The following IMMT variants were observed in gnomAD, a reference collection of about 807,000 sequenced individuals.
IMMT encodes MICOS complex subunit MIC60.
In IMMT, 40 loss-of-function variants were observed where a neutral mutation model predicts 92.7. The observed-to-expected ratio is 0.43, with a 90% CI of 0.34 to 0.56. The LOEUF (loss-of-function observed/expected upper bound fraction) is 0.56, where lower values mean the gene tolerates loss of function less well. Among genes scored for constraint, IMMT ranks in the 20% least tolerant of loss-of-function variants. The pLI, the probability that IMMT is intolerant of heterozygous loss-of-function variation, is 0.03. For missense variants in IMMT, 831 were observed against 912.1 expected (o/e 0.91, Z 1.14); for synonymous variants, 322 against 336.1 (o/e 0.96, Z 0.46).
intron 3 of IMMT, among the ~76,000 whole-genome samples, chr2:86,178,681 G>C (rs6749090): frequency 1.3e-5 from 2 of 151,862 alleles, no homozygotes; most frequent in Non-Finnish European, 2.9e-5. Flanking sequence ...ACTGCATACA[G>C]ACAAAACACA....
intron 1 of IMMT, among the ~76,000 whole-genome samples, chr2:86,183,832 G>A (rs760299240): frequency 2.6e-5 from 4 of 152,128 alleles, no homozygotes; most frequent in African/African-American, 4.8e-5. Context: ...ATATCAGTAC[G>A]TGAAAAGCTT....
At chr2:86,185,125 A>G (rs1269665000) in intron 1 of IMMT, among the ~76,000 whole-genome samples, 3 of 151,950 alleles carry the variant, frequency 2.0e-5, no homozygotes, top group African/African-American at 4.8e-5. Flanking sequence ...GCTTGCAGTG[A>G]GCCGAGATTG....
At chr2:86,167,470 G>GTTTTT (rs1279903768) in intron 6 of IMMT, among the ~76,000 whole-genome samples, 2 of 67,444 alleles carry the variant, frequency 3.0e-5, no homozygotes, top group Non-Finnish European at 6.9e-5. Context: ...ACCGTGCCCG[G>GTTTTT]TTTTTTGTTT....
chr2:86,167,918 T>C (rs1676830181), intron 6 of IMMT, among the ~76,000 whole-genome samples: 1 of 152,192 alleles, frequency 6.6e-6, no homozygotes, highest in Admixed American at 6.5e-5. Context: ...TTACATATTG[T>C]GGCTATAAAC....
chr2:86,170,807 A>C lies in IMMT; in HGVS notation c.597T>G (p.Pro199=). ...GTGCAAGGCGAGCTGCAACTTCTTC[A>C]GGTGGTCGCTCCCTTATAGAAGATG... The part of the protein sequence containing the change: ...ASSSSIRERP[P]EEVAARLAQQ... The change falls in exon 6 of 15, where the codon CCT becomes CCG. Residue 199 remains proline (P), a synonymous_variant. Transcript: ENST00000410111. 6.3e-7 allele frequency: 1 copy of C among 1,589,864 alleles called. No homozygotes were observed. The highest frequency in any genetic ancestry group is 8.6e-7 in the Non-Finnish European group (1 of 1,166,576).
intron 12 of IMMT, among the ~76,000 whole-genome samples, chr2:86,148,707 A>G (rs1357294222): frequency 6.6e-6 from 1 of 152,220 alleles, no homozygotes; most frequent in African/African-American, 2.4e-5. Context: ...TTATTTTTAA[A>G]TGAATTTAAA....
intron 2 of IMMT, 50 bp downstream of exon 2, chr2:86,181,249 C>CTAA: frequency 2.2e-6 from 3 of 1,392,440 alleles, no homozygotes; most frequent in Non-Finnish European, 3.1e-6. Context: ...CACACACTCC[C>CTAA]TAAGCAGCAC....
At chr2:86,163,263 G>A (rs1223045821) in intron 7 of IMMT, among the ~76,000 whole-genome samples, 5 of 152,168 alleles carry the variant, frequency 3.3e-5, no homozygotes, top group Non-Finnish European at 7.3e-5. Context: ...GCCACAGTGA[G>A]CTGTAATCAC....
intron 8 of IMMT, among the ~76,000 whole-genome samples, chr2:86,161,094 A>G (rs553718865): frequency 0.032 from 885 of 27,734 alleles, 10 homozygotes; most frequent in African/African-American, 0.059. Context: ...CAAGACCATG[A>G]ATTAAAAAAA....
chr2:86,150,555 T>C (rs888095178), intron 12 of IMMT, among the ~76,000 whole-genome samples: 2 of 152,210 alleles, frequency 1.3e-5, no homozygotes, highest in African/African-American at 4.8e-5. Flanking sequence ...CAAATCAGCC[T>C]GTGGACACCT....
intron 7 of IMMT, 87 bp downstream of exon 7, chr2:86,166,421 A>G: frequency 3.2e-6 from 4 of 1,252,148 alleles, no homozygotes; most frequent in Non-Finnish European, 3.4e-6. Flanking sequence ...AGTCTGTTAA[A>G]TATTACACTT....
rs1674820190 is a variant in IMMT, at chr2:86,144,289, G to A, written c.2256C>T (p.Thr752=). The change falls in exon 15 of 15, where the codon ACC becomes ACT. Residue 752 remains threonine, a synonymous_variant. Coordinates refer to ENST00000410111, the MANE Select transcript of IMMT (RefSeq NM_006839.3). ...AACCTCACTCTGGCTGCACCTGAGT[G>A]GTTCCTATTCCTACGGCGCTGGCAT... The part of the protein sequence containing the change: ...TAYASAVGIG[T]TQVQPE 4 of 1,613,922 alleles carry A rather than the reference G, an allele frequency of 2.5e-6. No homozygotes were observed. Among genetic ancestry groups the A allele is most frequent in the Non-Finnish European group, 3.4e-6 (4 of 1,179,862 alleles).
At chr2:86,158,567 A>G (rs915364387) in intron 10 of IMMT, 25 bp downstream of exon 10, 1 of 1,560,754 alleles carries the variant, frequency 6.4e-7, no homozygotes, top group Non-Finnish European at 8.7e-7. Context: ...CATCAAAAAA[A>G]AAACATTACT....
chr2:86,160,537 T>C (rs1466459778), intron 8 of IMMT, among the ~76,000 whole-genome samples: 1 of 152,170 alleles, frequency 6.6e-6, no homozygotes, highest in Non-Finnish European at 1.5e-5. Context: ...ATGCCTTAAA[T>C]CTCCTAAAAG....
intron 9 of IMMT, 42 bp from the exon 10 acceptor site, chr2:86,158,763 A>AG (rs1558818982): frequency 2.0e-6 from 3 of 1,524,352 alleles, no homozygotes; most frequent in Non-Finnish European, 2.7e-6. Flanking sequence ...TGAACAAAAA[A>AG]TACCATAAAC....
At chr2:86,185,219 T>C (rs1672695258) in intron 1 of IMMT, among the ~76,000 whole-genome samples, 1 of 151,434 alleles carries the variant, frequency 6.6e-6, no homozygotes. Flanking sequence ...TCACAAGCGC[T>C]AACTGGTTTC....
At chr2:86,177,113 G>A (rs1452958326) in intron 3 of IMMT, among the ~76,000 whole-genome samples, 1 of 152,060 alleles carries the variant, frequency 6.6e-6, no homozygotes, top group African/African-American at 2.4e-5. Flanking sequence ...CTATAGGATG[G>A]GTCTCTAGAT....
chr2:86,156,540 G>A (rs1460011961), intron 10 of IMMT, among the ~76,000 whole-genome samples: 1 of 142,142 alleles, frequency 7.0e-6, no homozygotes, highest in Non-Finnish European at 1.5e-5. Context: ...GTTGCAGTGA[G>A]CCAAGATTGC....
chr2:86,169,605 G>A (rs1315489032), intron 6 of IMMT, among the ~76,000 whole-genome samples: 1 of 152,118 alleles, frequency 6.6e-6, no homozygotes, highest in East Asian at 1.9e-4. Flanking sequence ...ACGACCTCCA[G>A]AGACATCAAC....
Sources: allele counts gnomAD v4.1 joint callset (sites outside exome capture counted in the v4.1 genomes callset), GRCh38; gene constraint gnomAD v4.1.1; transcripts MANE v1.5; gene names NCBI Gene and HGNC (gene_info 2026-07-23, HGNC 2026-07-21).